UBE4B: variants seen among roughly 807,000 people sequenced by gnomAD.
The protein encoded by UBE4B is ubiquitin conjugation factor E4 B.
A neutral mutation model predicts 148.1 loss-of-function variants in UBE4B; 27 were observed. That is an observed-to-expected ratio of 0.18 (90% CI 0.13 to 0.25). UBE4B has a LOEUF of 0.25. Among genes scored for constraint, UBE4B ranks in the 10% least tolerant of loss-of-function variants. UBE4B has a pLI of 1.00. For missense variants in UBE4B, 1,170 were observed against 1,662.4 expected (o/e 0.70, Z 5.15); for synonymous variants, 596 against 619.3 (o/e 0.96, Z 0.56).
intron 22 of UBE4B, among the ~76,000 whole-genome samples, chr1:10,159,505 T>A (rs947938314): frequency 1.3e-5 from 2 of 152,144 alleles, no homozygotes; most frequent in South Asian, 4.1e-4. Context: ...ACCCCGTCTC[T>A]ACTAAAAATA....
At chr1:10,107,416 G>A (rs954581016) in intron 7 of UBE4B, 2 of 1,255,342 alleles carry the variant, frequency 1.6e-6, no homozygotes, top group African/African-American at 3.1e-5. Context: ...GTGCGTAGAT[G>A]CTTAGGAACT....
chr1:10,113,388 A>G (rs1177254471), intron 7 of UBE4B, among the ~76,000 whole-genome samples: 1 of 152,198 alleles, frequency 6.6e-6, no homozygotes, highest in Admixed American at 6.5e-5. Context: ...TCAATGTGAG[A>G]TTTGGACAAA....
Position 10,032,999 on chromosome 1 carries a change from C to T in UBE4B, c.-672C>T, listed in dbSNP as rs1304956031. 1.3e-5 allele frequency: 2 copies of T among 152,174 alleles called. No homozygotes were observed. Among genetic ancestry groups the T allele is most frequent in the Non-Finnish European group, 2.9e-5 (2 of 68,058 alleles). 9.4% of individuals were successfully genotyped at this position (152,174 alleles called of 1,614,324 possible). Reference sequence around the variant, plus strand: ...CGCCCTGTTGTTTTGATGAATAATACTTGGTGGGGCGAGGGGGAAAGAGTA... The same window carrying T: ...CGCCCTGTTGTTTTGATGAATAATATTTGGTGGGGCGAGGGGGAAAGAGTA... On this transcript the variant is annotated 5_prime_UTR_variant, in exon 1 of 28. Transcript: ENST00000343090.
At chr1:10,072,378 G>A (rs981787597) in intron 2 of UBE4B, 164 bp downstream of exon 2, 4 of 851,666 alleles carry the variant, frequency 4.7e-6, no homozygotes, top group East Asian at 2.7e-5. Context: ...TTGTGTTATC[G>A]CTTTTTTTTT....
At chr1:10,097,670 C>T (rs1354660315) in intron 3 of UBE4B, among the ~76,000 whole-genome samples, 5 of 152,006 alleles carry the variant, frequency 3.3e-5, no homozygotes, top group African/African-American at 7.2e-5. Flanking sequence ...ATTAGCGGGG[C>T]ATGGTGGCAT....
chr1:10,046,387 C>G (rs1643912575), intron 1 of UBE4B, among the ~76,000 whole-genome samples: 1 of 152,128 alleles, frequency 6.6e-6, no homozygotes, highest in Admixed American at 6.5e-5. Context: ...TTCCAGGAAT[C>G]TTTAGTTTAA....
chr1:10,118,630 G>A (rs980392607), intron 8 of UBE4B, among the ~76,000 whole-genome samples: 11 of 151,774 alleles, frequency 7.2e-5, no homozygotes, highest in Admixed American at 2.0e-4. Context: ...TCAGCCTCCC[G>A]AGTAGCTGAG....
chr1:10,045,557 A>T (rs1466321126), intron 1 of UBE4B, among the ~76,000 whole-genome samples: 4 of 152,182 alleles, frequency 2.6e-5, no homozygotes, highest in African/African-American at 9.7e-5. Flanking sequence ...ATATTTGATG[A>T]AATATGGTCT....
chr1:10,117,815 A>G (rs138490506), intron 8 of UBE4B, among the ~76,000 whole-genome samples: 75 of 152,332 alleles, frequency 4.9e-4, no homozygotes, highest in Non-Finnish European at 9.3e-4. Context: ...GACAGAGCCA[A>G]GGTTTGAACC....
chr1:10,070,930 G>A (rs1474143504), intron 1 of UBE4B, among the ~76,000 whole-genome samples: 1 of 151,772 alleles, frequency 6.6e-6, no homozygotes, highest in East Asian at 1.9e-4. Flanking sequence ...ATTTATTTTG[G>A]AGGTGGAGTC....
intron 7 of UBE4B, among the ~76,000 whole-genome samples, chr1:10,108,318 C>G (rs1000017579): frequency 1.3e-5 from 2 of 151,988 alleles, no homozygotes; most frequent in African/African-American, 4.8e-5. Context: ...TTAAATTTCT[C>G]TTAGCACCTC....
intron 25 of UBE4B, among the ~76,000 whole-genome samples, chr1:10,173,993 T>TGGCACA (rs1273729747): frequency 6.6e-6 from 1 of 152,208 alleles, no homozygotes; most frequent in Non-Finnish European, 1.5e-5. Context: ...CAGCAGTTTC[T>TGGCACA]GGCACAGTGA....
chr1:10,073,607 C>G (rs1295356090), intron 2 of UBE4B, among the ~76,000 whole-genome samples: 1 of 152,074 alleles, frequency 6.6e-6, no homozygotes, highest in Non-Finnish European at 1.5e-5. Flanking sequence ...GTAATTCCAA[C>G]TACAAGAGAG....
At chr1:10,126,443 C>G (rs1645499648) in intron 10 of UBE4B, among the ~76,000 whole-genome samples, 1 of 152,158 alleles carries the variant, frequency 6.6e-6, no homozygotes, top group Non-Finnish European at 1.5e-5. Context: ...CTGAGATGTG[C>G]AGAATTTAAT....
At chr1:10,170,734 T>C (rs1646326263) in intron 24 of UBE4B, among the ~76,000 whole-genome samples, 1 of 152,236 alleles carries the variant, frequency 6.6e-6, no homozygotes, top group Non-Finnish European at 1.5e-5. Flanking sequence ...GAAAAAAGTT[T>C]ATGAAATACT....
At chr1:10,079,309 C>T (rs1255608747) in intron 2 of UBE4B, among the ~76,000 whole-genome samples, 5 of 152,300 alleles carry the variant, frequency 3.3e-5, no homozygotes, top group Non-Finnish European at 7.3e-5. Flanking sequence ...CAGGCATGCG[C>T]CACCACGCCC....
chr1:10,129,475 C>T (rs761889732), intron 12 of UBE4B, 27 bp downstream of exon 12: 4 of 1,600,948 alleles, frequency 2.5e-6, no homozygotes, highest in Non-Finnish European at 2.6e-6. Flanking sequence ...TGGGCTTGCA[C>T]ATTTTCAGTG....
chr1:10,151,509 C>A lies in UBE4B; in HGVS notation c.2874C>A (p.Asn958Lys), dbSNP rs1645974990. The A allele has an allele frequency of 6.2e-7, 1 of 1,614,006 alleles. No individual in the cohort carries two copies. Among genetic ancestry groups the A allele is most frequent in the African/African-American group, 1.3e-5 (1 of 74,886 alleles). Residue 958 changes from asparagine (N) to lysine (K), a missense_variant, in exon 21 of 28, where the codon AAC (asparagine) becomes AAA (lysine). Physicochemically the swap from Asn to Lys is moderately conservative, Grantham distance 94. Coordinates refer to ENST00000343090, the MANE Select transcript of UBE4B (RefSeq NM_001105562.3). ...RTQKFFEMIE[N>K]HPLSTKLLVP... ...AGAAGTTTTTTGAAATGATTGAGAA[C>A]CATCCTCTCTCCACCAAGTTGTTGG...
intron 22 of UBE4B, among the ~76,000 whole-genome samples, chr1:10,159,110 A>G (rs1309054441): frequency 6.6e-6 from 1 of 152,142 alleles, no homozygotes; most frequent in African/African-American, 2.4e-5. Context: ...TGTTAAATGA[A>G]GTTGTCAGAA....
Sources: allele counts gnomAD v4.1 joint callset (sites outside exome capture counted in the v4.1 genomes callset), GRCh38; gene constraint gnomAD v4.1.1; transcripts MANE v1.5; gene names NCBI Gene and HGNC (gene_info 2026-07-23, HGNC 2026-07-21).